The following SIPA1L2 variants were observed in gnomAD, a reference collection of about 807,000 sequenced individuals.
The protein encoded by SIPA1L2 is signal induced proliferation associated 1 like 2, also known as signal-induced proliferation-associated 1-like protein 2.
A neutral mutation model predicts 163.9 loss-of-function variants in SIPA1L2; 56 were observed. The ratio of observed to expected loss-of-function variants is 0.34; its 90% CI spans 0.28 to 0.43. SIPA1L2 has a LOEUF of 0.43. Among genes scored for constraint, SIPA1L2 ranks in the 20% least tolerant of loss-of-function variants. The pLI, the probability that SIPA1L2 is intolerant of heterozygous loss-of-function variation, is 1.00. For missense variants in SIPA1L2, 1,974 were observed against 2,193.5 expected (o/e 0.90, Z 2.00); for synonymous variants, 877 against 865.7 (o/e 1.01, Z -0.23).
chr1:232,611,229 A>AT (rs1340747617), intron 1 of SIPA1L2, among the ~76,000 whole-genome samples: 1 of 152,132 alleles, frequency 6.6e-6, no homozygotes, highest in Non-Finnish European at 1.5e-5. Flanking sequence ...CAGTTAAACC[A>AT]TTTTTTCTTC....
At position 232,415,609 on chromosome 1, in the gene SIPA1L2, G is replaced by A. The variant is rs372037126; in HGVS notation, c.4647C>T (p.Ser1549=). 1.2e-5 allele frequency: 19 copies of A among 1,613,872 alleles called. No individual in the cohort carries two copies. The highest frequency in any genetic ancestry group is 6.6e-5 in the South Asian group (6 of 91,044). The part of the protein sequence containing the change: ...MGSLRNEFWF[S]DGSLSDKSKC... ...TGGACTTATCTGATAAGGACCCATC[G>A]GAGAACCAGAACTCATCTAAACAGA... is the stretch of plus-strand genomic sequence containing the variant. The change falls in exon 19 of 23, where the codon TCC becomes TCT. Residue 1549 remains serine, a synonymous_variant. Transcript: ENST00000674635.
At chr1:232,563,946 T>G (rs574966147) in intron 2 of SIPA1L2, among the ~76,000 whole-genome samples, 1 of 140,134 alleles carries the variant, frequency 7.1e-6, no homozygotes, top group East Asian at 2.0e-4. Context: ...AAAGGTTTGT[T>G]TTTTTTTTTC....
At chr1:232,499,362 C>A (rs1384815604) in intron 3 of SIPA1L2, among the ~76,000 whole-genome samples, 2 of 152,158 alleles carry the variant, frequency 1.3e-5, no homozygotes, top group African/African-American at 2.4e-5. Context: ...AGAGAACACA[C>A]GATTAAGAAG....
In SIPA1L2 at chr1:232,490,750, A is replaced by G. The variant is rs571387456; in HGVS notation, c.1806+124T>C. On this transcript the variant is annotated intron_variant, in intron 5 of 22. Coordinates refer to ENST00000674635, the MANE Select transcript of SIPA1L2 (RefSeq NM_020808.5). ...TAAAAACATATTTGGGAAAAACTAA[A>G]GAGAAAATGTTCTAAGGCATTTAAA... 88 of 1,030,898 alleles carry G rather than the reference A, an allele frequency of 8.5e-5. No homozygotes were observed. The South Asian group carries it at 1.5e-3, about 17-fold the overall frequency. 63.9% of individuals were successfully genotyped at this position (1,030,898 alleles called of 1,614,324 possible). A position where few individuals can be genotyped will look rare whatever the true frequency, so the allele number is the denominator to read the frequency against.
intron 15 of SIPA1L2, among the ~76,000 whole-genome samples, chr1:232,435,132 C>T (rs977375925): frequency 2.0e-5 from 3 of 152,110 alleles, no homozygotes; most frequent in African/African-American, 4.8e-5. Flanking sequence ...GGCTGGGGCA[C>T]TCAAAGTCAT....
intron 1 of SIPA1L2, among the ~76,000 whole-genome samples, chr1:232,613,709 C>CGT (rs368352438): frequency 6.6e-6 from 1 of 152,010 alleles, no homozygotes; most frequent in East Asian, 1.9e-4. Flanking sequence ...TATGTGTGTG[C>CGT]GTGTGTGTGT....
At chr1:232,461,220 G>C in intron 9 of SIPA1L2, 59 bp from the exon 10 acceptor site, 5 of 1,578,692 alleles carry the variant, frequency 3.2e-6, no homozygotes, top group Non-Finnish European at 4.3e-6. Flanking sequence ...ATGGGGCTCT[G>C]CCAAAGGTGC....
chr1:232,575,935 A>G (rs1041566072), intron 1 of SIPA1L2, among the ~76,000 whole-genome samples: 1 of 152,230 alleles, frequency 6.6e-6, no homozygotes, highest in Admixed American at 6.5e-5. Flanking sequence ...AAGGACAAAT[A>G]CTGTATGATT....
At chr1:232,627,700 T>C (rs893052618) in intron 1 of SIPA1L2, among the ~76,000 whole-genome samples, 4 of 152,208 alleles carry the variant, frequency 2.6e-5, no homozygotes, top group African/African-American at 9.6e-5. Context: ...AAGCATCTAA[T>C]GAAAAACATA....
chr1:232,406,397 C>A (rs1660635160), intron 19 of SIPA1L2, among the ~76,000 whole-genome samples: 1 of 152,228 alleles, frequency 6.6e-6, no homozygotes, highest in African/African-American at 2.4e-5. Flanking sequence ...ACAAAACAAT[C>A]CATCCTTTAA....
At position 232,476,704 on chromosome 1, in the gene SIPA1L2, G is replaced by A. The variant is rs369739473; in HGVS notation, c.2085+2923C>T. ...CTTTTGGTCTGGTGAGTTTTTCTAC[G>A]CAAGAGTCAGAGACCATTCCAAAGA... On this transcript the variant is annotated intron_variant, in intron 7 of 22. Coordinates refer to ENST00000674635, the MANE Select transcript of SIPA1L2 (RefSeq NM_020808.5). Among the ~76,000 whole-genome samples the A allele has an allele frequency of 5.9e-5, 9 of 152,324 alleles. No homozygotes were observed. The East Asian group carries it at 7.7e-4, about 13-fold the overall frequency.
At chr1:232,576,833 A>G (rs1324986831) in intron 1 of SIPA1L2, among the ~76,000 whole-genome samples, 1 of 152,188 alleles carries the variant, frequency 6.6e-6, no homozygotes, top group East Asian at 1.9e-4. Context: ...AGATGAAACC[A>G]GCCACATTTC....
At chr1:232,553,050 G>A (rs991045552) in intron 2 of SIPA1L2, among the ~76,000 whole-genome samples, 1 of 152,180 alleles carries the variant, frequency 6.6e-6, no homozygotes, top group Non-Finnish European at 1.5e-5. Flanking sequence ...CTTGGTACTC[G>A]GGTTCTTGTC....
rs768801084 is a variant in SIPA1L2, at chr1:232,460,947, C to T, written c.3035G>A (p.Arg1012His). Residue 1012 changes from arginine (R) to histidine (H), a missense_variant, in exon 10 of 23, where the codon CGT (arginine) becomes CAT (histidine). Physicochemically the swap from Arg to His is conservative, Grantham distance 29 (BLOSUM62 0). Transcript: ENST00000674635. ...LTHEQMIDLL[R>H]TSVTVKVVII... ...GACCACCTTCACAGTCACAGAAGTA[C>T]GGAGCAGGTCGATCATCTGCTCGTG... 4.3e-6 allele frequency: 7 copies of T among 1,614,230 alleles called. No individual in the cohort carries two copies. The highest frequency in any genetic ancestry group is 2.2e-5 in the East Asian group (1 of 44,878).
intron 2 of SIPA1L2, among the ~76,000 whole-genome samples, chr1:232,554,711 G>T (rs554380428): frequency 6.6e-6 from 1 of 152,372 alleles, no homozygotes; most frequent in Non-Finnish European, 1.5e-5. Context: ...AGCCGTGTTT[G>T]GTGTGTGCCC....
chr1:232,467,753 T>G (rs1664598110), intron 8 of SIPA1L2, among the ~76,000 whole-genome samples: 1 of 152,244 alleles, frequency 6.6e-6, no homozygotes, highest in Non-Finnish European at 1.5e-5. Flanking sequence ...CTCCAGTGCA[T>G]TACTTCTTTG....
chr1:232,453,837 G>T (rs1553289063), intron 10 of SIPA1L2, among the ~76,000 whole-genome samples: 1 of 151,420 alleles, frequency 6.6e-6, no homozygotes, highest in Non-Finnish European at 1.5e-5. Context: ...AGAATCTTTG[G>T]AAACAAAAGC....
At position 232,441,264 on chromosome 1, in the gene SIPA1L2, T is replaced by C. The variant is rs750804181; in HGVS notation, c.3642+27A>G. On this transcript the variant is annotated intron_variant, in intron 14 of 22. Transcript: ENST00000674635. ...GACAGATCAGTCCTGGCTAGGCCAG[T>C]GAAGGGCTTATGAACAAAGGACTTA... 6 of 1,560,266 alleles carry C rather than the reference T, an allele frequency of 3.8e-6. No homozygotes were observed. The East Asian group carries it at 1.1e-4, about 29-fold the overall frequency.
At position 232,464,865 on chromosome 1, in the gene SIPA1L2, A is replaced by G; in HGVS notation, c.2795T>C (p.Ile932Thr). Residue 932 changes from isoleucine to threonine, a missense_variant, in exon 9 of 23, where the codon ATC (isoleucine) becomes ACC (threonine). By Grantham distance (89) the Ile-to-Thr change is moderately conservative (BLOSUM62 -1). Coordinates refer to ENST00000674635, the MANE Select transcript of SIPA1L2 (RefSeq NM_020808.5). ...TACTAATCGCTGAACAATTTCCCTGATGTCTTCAGCACAGTTGTCTACCGA... is the reference window on the plus strand; with the variant it reads ...TACTAATCGCTGAACAATTTCCCTGGTGTCTTCAGCACAGTTGTCTACCGA... ...LSSVDNCAED[I>T]REIVQRLVIV... 6.2e-7 allele frequency: 1 copy of G among 1,608,024 alleles called. No individual in the cohort carries two copies. Among genetic ancestry groups the G allele is most frequent in the Non-Finnish European group, 8.5e-7 (1 of 1,177,110 alleles).
Sources: gnomAD v4.1 joint callset for allele counts (sites outside exome capture counted in the v4.1 genomes callset) on GRCh38, gnomAD v4.1.1 for gene constraint, MANE v1.5 for transcripts, NCBI Gene and HGNC (gene_info 2026-07-23, HGNC 2026-07-21) for gene names.